The following SERPINB8 variants were observed in gnomAD, a reference collection of about 807,000 sequenced individuals.
SERPINB8 encodes the protein serpin family B member 8, also known as serpin B8.
SERPINB8 carries 25 observed loss-of-function variants against 35.3 expected under a neutral mutation model. The observed-to-expected ratio is 0.71, with a 90% CI of 0.52 to 0.99. The LOEUF (loss-of-function observed/expected upper bound fraction) is 0.99, where lower values mean the gene tolerates loss of function less well. SERPINB8 is among the 50% of genes least tolerant of loss of function. SERPINB8 has a pLI of 0.00. For synonymous variants in SERPINB8, 186 were observed against 160.8 expected (o/e 1.16, Z -1.19); for missense variants, 484 against 446.5 (o/e 1.08, Z -0.76).
chr18:63,979,712 G>GT (rs199533405), intron 2 of SERPINB8, 89 bp from the exon 3 acceptor site: 79,519 of 1,510,108 alleles, frequency 0.053, 2,601 homozygotes, highest in Non-Finnish European at 0.058. Flanking sequence ...ATCCTGTGTG[G>GT]TTTTTTTAGT....
At chr18:63,986,682 T>C (rs1055433826) in intron 6 of SERPINB8, 192 bp from the exon 7 acceptor site, 12 of 1,378,580 alleles carry the variant, frequency 8.7e-6, no homozygotes, top group Non-Finnish European at 1.9e-6. Context: ...TACACTTGTC[T>C]CCATAAAACT....
At chr18:64,017,839 TA>T (rs2050957746) in intron 7 of SERPINB8, among the ~76,000 whole-genome samples, 2 of 152,214 alleles carry the variant, frequency 1.3e-5, no homozygotes, top group Non-Finnish European at 2.9e-5. Context: ...ATTTATCTAC[TA>T]ATCATGACTG....
At chr18:64,018,638 T>A (rs2050961258) in intron 7 of SERPINB8, among the ~76,000 whole-genome samples, 1 of 152,204 alleles carries the variant, frequency 6.6e-6, no homozygotes, top group African/African-American at 2.4e-5. Context: ...GCAGATAAAT[T>A]TTAACGACTC....
chr18:63,978,238 G>A, intron 1 of SERPINB8, 61 bp from the exon 2 acceptor site: 1 of 1,581,326 alleles, frequency 6.3e-7, no homozygotes, highest in Non-Finnish European at 8.7e-7. Context: ...GGGGATGAAT[G>A]ACTGCGTGGC....
At chr18:63,996,614 C>A (rs75919536) in intron 1 of SERPINB8, among the ~76,000 whole-genome samples, 2,343 of 152,294 alleles carry the variant, frequency 0.015, 35 homozygotes, top group Non-Finnish European at 0.024. Context: ...GAAGCACTAG[C>A]CTTGCACTCT....
At chr18:63,971,551 C>T (rs1268500187) in intron 1 of SERPINB8, among the ~76,000 whole-genome samples, 1 of 152,220 alleles carries the variant, frequency 6.6e-6, no homozygotes, top group Non-Finnish European at 1.5e-5. Flanking sequence ...GGGACTGGGC[C>T]CTCCTGTGCT....
intron 1 of SERPINB8, among the ~76,000 whole-genome samples, chr18:63,971,903 T>G (rs943401650): frequency 6.6e-6 from 1 of 152,028 alleles, no homozygotes; most frequent in African/African-American, 2.4e-5. Context: ...CCCTTTGTCT[T>G]CCTGCCACAT....
downstream of SERPINB8, among the ~76,000 whole-genome samples, chr18:63,989,901 C>T (rs1249934959): frequency 3.1e-4 from 42 of 134,626 alleles, no homozygotes; most frequent in African/African-American, 1.1e-3. Context: ...CGAGATCCCG[C>T]CACTGCACTC....
At chr18:64,000,286 G>T (rs752312356) in intron 1 of SERPINB8, among the ~76,000 whole-genome samples, 1 of 152,214 alleles carries the variant, frequency 6.6e-6, no homozygotes, top group Non-Finnish European at 1.5e-5. Context: ...TTGGTCCATT[G>T]CTGGCTCAGA....
chr18:63,991,039 G>A (rs543346536), downstream of SERPINB8, among the ~76,000 whole-genome samples: 1 of 152,242 alleles, frequency 6.6e-6, no homozygotes, highest in African/African-American at 2.4e-5. Flanking sequence ...ATGGATATGT[G>A]GTTCTATTTC....
chr18:63,973,222 T>G (rs1344571681), intron 1 of SERPINB8, among the ~76,000 whole-genome samples: 1 of 152,244 alleles, frequency 6.6e-6, no homozygotes, highest in African/African-American at 2.4e-5. Flanking sequence ...GGTTTTGATT[T>G]GCATTTCTCT....
chr18:63,985,898 T>C (rs1386518933), intron 6 of SERPINB8, among the ~76,000 whole-genome samples: 1 of 152,166 alleles, frequency 6.6e-6, no homozygotes, highest in Admixed American at 6.5e-5. Flanking sequence ...GAAGCCTTCA[T>C]TTATAAAGTT....
chr18:63,995,104 G>C (rs1313985483), intron 1 of SERPINB8, among the ~76,000 whole-genome samples: 1 of 152,154 alleles, frequency 6.6e-6, no homozygotes, highest in Non-Finnish European at 1.5e-5. Context: ...ACCATGGGGG[G>C]CCCAGCAGGC....
intron 1 of SERPINB8, among the ~76,000 whole-genome samples, chr18:64,000,665 C>T (rs1007284134): frequency 2.7e-4 from 41 of 152,250 alleles, no homozygotes; most frequent in Admixed American, 2.5e-3. Context: ...TGGGACACTG[C>T]CAAGACCTCC....
At chr18:63,998,104 T>G (rs1003835928) in intron 1 of SERPINB8, among the ~76,000 whole-genome samples, 2 of 152,208 alleles carry the variant, frequency 1.3e-5, no homozygotes, top group African/African-American at 4.8e-5. Flanking sequence ...TGAGCAAGGC[T>G]AAACATTCTG....
At position 63,978,353 on chromosome 18, in the gene SERPINB8, A is replaced by T; in HGVS notation, c.45A>T (p.Leu15Phe). Residue 15 changes from leucine to phenylalanine, a missense_variant, in exon 2 of 7, where the codon TTA becomes TTT. By Grantham distance (22) the Leu-to-Phe change is conservative (BLOSUM62 0). Transcript: ENST00000397985. ...CEANGTFAIS[L>F]FKILGEEDNS... ...CAAATGGCACTTTTGCCATCAGCTT[A>T]TTTAAAATATTGGGGGAAGAGGACA... 6.2e-7 allele frequency: 1 copy of T among 1,614,172 alleles called. No individual in the cohort carries two copies. Among genetic ancestry groups the T allele is most frequent in the Non-Finnish European group, 8.5e-7 (1 of 1,180,030 alleles).
intron 1 of SERPINB8, among the ~76,000 whole-genome samples, chr18:63,996,932 C>T (rs1471161289): frequency 6.6e-6 from 1 of 152,226 alleles, no homozygotes; most frequent in African/African-American, 2.4e-5. Flanking sequence ...TAAGAGGTTA[C>T]TAGAAAAGGC....
intron 7 of SERPINB8, among the ~76,000 whole-genome samples, chr18:64,013,859 T>C (rs1218292303): frequency 6.6e-6 from 1 of 152,196 alleles, no homozygotes; most frequent in East Asian, 1.9e-4. Flanking sequence ...AGTGTCTATG[T>C]GGAAGCAGAG....
chr18:63,974,797 T>G (rs1249423758), intron 1 of SERPINB8, among the ~76,000 whole-genome samples: 1 of 152,112 alleles, frequency 6.6e-6, no homozygotes, highest in Non-Finnish European at 1.5e-5. Flanking sequence ...TGTTACCTGG[T>G]TTTCTCCCCT....
Sources: gnomAD v4.1 joint callset for allele counts (sites outside exome capture counted in the v4.1 genomes callset) on GRCh38, gnomAD v4.1.1 for gene constraint, MANE v1.5 for transcripts, NCBI Gene and HGNC (gene_info 2026-07-23, HGNC 2026-07-21) for gene names.